DMTN: variants seen among roughly 807,000 people sequenced by gnomAD.
The protein encoded by DMTN is dematin actin binding protein, also known as dematin.
A neutral mutation model predicts 59.4 loss-of-function variants in DMTN; 27 were observed. The ratio of observed to expected loss-of-function variants is 0.45; its 90% confidence interval spans 0.33 to 0.63. The LOEUF (loss-of-function observed/expected upper bound fraction) is 0.63, where lower values mean the gene tolerates loss of function less well. Ranked by LOEUF, DMTN falls within the 20% of genes least tolerant of loss-of-function variation. The pLI is 0.02. For synonymous variants in DMTN, 221 were observed against 203.7 expected, an observed-to-expected ratio of 1.08 and a Z score of -0.72; for missense variants, 451 against 528.9, an observed-to-expected ratio of 0.85 and a Z score of 1.45.
upstream of DMTN, chr8:22,056,800 G>A (rs1335062260): frequency 2.0e-4 from 9 of 45,744 alleles, no homozygotes; most frequent in South Asian, 7.7e-4. Flanking sequence ...CAGCCCGCCC[G>A]CCCTCCCGCC....
At chr8:22,075,126 G>T (rs1818683651) in intron 10 of DMTN, among the ~76,000 whole-genome samples, 1 of 149,720 alleles carries the variant, frequency 6.7e-6, no homozygotes, top group African/African-American at 2.5e-5. Context: ...GGTGGAGGTT[G>T]CAGTGAGTCG....
chr8:22,078,399 A>G (rs1283302904), intron 10 of DMTN, among the ~76,000 whole-genome samples: 3 of 149,194 alleles, frequency 2.0e-5, no homozygotes, highest in African/African-American at 7.3e-5. Context: ...ATATATACAT[A>G]TATTCATATA....
intron 10 of DMTN, among the ~76,000 whole-genome samples, chr8:22,079,951 TAGC>T (rs1326977946): frequency 6.6e-6 from 1 of 152,202 alleles, no homozygotes; most frequent in Non-Finnish European, 1.5e-5. Flanking sequence ...GGGCCACTTC[TAGC>T]TGGAGAGAAG....
At chr8:22,054,080 C>T (rs935317202), upstream of DMTN, among the ~76,000 whole-genome samples, 5 of 149,176 alleles carry the variant, frequency 3.4e-5, no homozygotes, top group African/African-American at 1.3e-4. Flanking sequence ...CCCCTTGCCT[C>T]CCCTCTGAAC....
Position 22,073,845 on chromosome 8 carries a change from G to A in DMTN, c.835+10G>A. On this transcript the variant is annotated intron_variant, in intron 10 of 15. Transcript: ENST00000358242. ...ACACCCTTCCATACCTGTGAGTGCT[G>A]TGGAGGGGGCTCAGAGTCACCTGGC... 1 of 1,612,004 alleles carries A rather than the reference G, an allele frequency of 6.2e-7. No individual in the cohort carries two copies. The highest frequency in any genetic ancestry group is 8.5e-7 in the Non-Finnish European group (1 of 1,178,278).
intron 10 of DMTN, among the ~76,000 whole-genome samples, chr8:22,074,807 G>T (rs973103990): frequency 3.3e-5 from 5 of 152,128 alleles, no homozygotes; most frequent in Non-Finnish European, 7.3e-5. Context: ...ACTATCCAGC[G>T]CACTACCCTG....
rs1823258623 is a variant in DMTN, at chr8:22,080,262, G to C, written c.900+18G>C. The C allele has an allele frequency of 2.5e-6, 4 of 1,614,224 alleles. No homozygotes were observed. The highest frequency in any genetic ancestry group is 3.4e-6 in the Non-Finnish European group (4 of 1,180,034). ...TGAGCCGGGTAAGGTCTCAGGACCA[G>C]AGATATAGACTACGTGGGAGGAACG... is the stretch of plus-strand genomic sequence containing the variant. On this transcript the variant is annotated intron_variant, in intron 11 of 15. Coordinates refer to ENST00000358242, the MANE Select transcript of DMTN (RefSeq NM_001387751.1).
At chr8:22,069,167 G>A (rs1813169453) in intron 5 of DMTN, 107 bp downstream of exon 5, 4 of 1,319,848 alleles carry the variant, frequency 3.0e-6, no homozygotes, top group Non-Finnish European at 4.2e-6. Context: ...GGGAGTGCCC[G>A]AATCAGCGGC....
intron 1 of DMTN, among the ~76,000 whole-genome samples, chr8:22,064,236 C>G (rs1173510717): frequency 6.6e-6 from 1 of 152,202 alleles, no homozygotes; most frequent in Non-Finnish European, 1.5e-5. Context: ...GCATTTGCCC[C>G]TAGGCCTAAG....
upstream of DMTN, among the ~76,000 whole-genome samples, chr8:22,051,799 C>G (rs1801381369): frequency 6.6e-6 from 1 of 152,190 alleles, no homozygotes; most frequent in African/African-American, 2.4e-5. Flanking sequence ...CTGTGCCTCT[C>G]AACACTGCCC....
At chr8:22,057,492 C>T (rs542107971) in intron 1 of DMTN, among the ~76,000 whole-genome samples, 1 of 152,314 alleles carries the variant, frequency 6.6e-6, no homozygotes, top group African/African-American at 2.4e-5. Flanking sequence ...CTGCTGAATA[C>T]TGGCCCGCTG....
chr8:22,049,014 G>T (rs1376209490), upstream of DMTN: 2 of 148,294 alleles, frequency 1.3e-5, no homozygotes, highest in Non-Finnish European at 1.5e-5. Flanking sequence ...GGTTTCCTGG[G>T]CTCGCGCGGC....
intron 1 of DMTN, among the ~76,000 whole-genome samples, chr8:22,064,327 T>G (rs1808799154): frequency 1.3e-5 from 2 of 152,272 alleles, no homozygotes; most frequent in African/African-American, 4.8e-5. Context: ...TCTTCAAGTA[T>G]GTACCAGAAT....
At chr8:22,075,716 G>A (rs1020072719) in intron 10 of DMTN, among the ~76,000 whole-genome samples, 4 of 151,776 alleles carry the variant, frequency 2.6e-5, no homozygotes, top group South Asian at 4.2e-4. Context: ...ACGGGGTTTC[G>A]CCATGTTGGC....
At chr8:22,052,005 C>G (rs1201154817), upstream of DMTN, among the ~76,000 whole-genome samples, 1 of 152,244 alleles carries the variant, frequency 6.6e-6, no homozygotes, top group African/African-American at 2.4e-5. Flanking sequence ...CTCTATCAAG[C>G]AAGCATGTCC....
At chr8:22,050,269 C>G (rs1260044818), upstream of DMTN, among the ~76,000 whole-genome samples, 1 of 151,918 alleles carries the variant, frequency 6.6e-6, no homozygotes, top group African/African-American at 2.4e-5. Flanking sequence ...GGGTTGGGGG[C>G]CCCCCAGGTG....
At chr8:22,064,697 A>G (rs1285672011) in intron 1 of DMTN, among the ~76,000 whole-genome samples, 1 of 152,162 alleles carries the variant, frequency 6.6e-6, no homozygotes, top group Non-Finnish European at 1.5e-5. Context: ...TGACCTTGTG[A>G]TCTGCCCGCC....
chr8:22,077,674 C>G (rs1820801702), intron 10 of DMTN, among the ~76,000 whole-genome samples: 1 of 152,144 alleles, frequency 6.6e-6, no homozygotes, highest in South Asian at 2.1e-4. Context: ...AGCCAGATGC[C>G]TACCTCTGGA....
chr8:22,058,384 A>G lies in DMTN; in HGVS notation c.-172+1248A>G, dbSNP rs1396672008. ...AGGCTGCATCTCCCCCAGCTCTGCCAGTCCCACTTGTACAACAGGACCAGC... is the reference window on the plus strand; with the variant it reads ...AGGCTGCATCTCCCCCAGCTCTGCCGGTCCCACTTGTACAACAGGACCAGC... On this transcript the variant is annotated intron_variant, in intron 1 of 15. Transcript: ENST00000358242. The surrounding 1 kb of genome is among the most constrained non-coding windows in gnomAD (Gnocchi z 4.3). Among the ~76,000 whole-genome samples the G allele has an allele frequency of 6.6e-6, 1 of 152,202 alleles. No homozygotes were observed. Among genetic ancestry groups the G allele is most frequent in the Admixed American group, 6.5e-5 (1 of 15,290 alleles).
Sources: gnomAD v4.1 joint callset for allele counts (sites outside exome capture counted in the v4.1 genomes callset) on GRCh38, gnomAD v4.1.1 for gene constraint, Gnocchi (gnomAD v3.1) non-coding constraint, MANE v1.5 for transcripts, NCBI Gene and HGNC (gene_info 2026-07-23, HGNC 2026-07-21) for gene names.